Variants in TRNT1 observed in about 807,000 individuals in gnomAD.
TRNT1 encodes CCA tRNA nucleotidyltransferase 1, mitochondrial.
In TRNT1, 44 loss-of-function variants were observed where a neutral mutation model predicts 45.6. The ratio of observed to expected loss-of-function variants is 0.97; its 90% CI spans 0.76 to 1.24. The LOEUF is 1.24. TRNT1 is among the 50% of genes most tolerant of loss of function. The pLI is 0.00. For synonymous variants in TRNT1, 201 were observed against 171.4 expected (o/e 1.17, Z -1.35); for missense variants, 633 against 504.4 (o/e 1.25, Z -2.44).
chr3:3,147,643 T>C lies in TRNT1; in HGVS notation c.996T>C (p.Asp332=). The stretch of plus-strand genomic sequence containing the variant: ...TATTTATAGTTAAAAATAGGAAAGA[T>C]TTAATTAAAGCAACAGATAGTTCAG... The part of the protein sequence containing the change: ...LGLFIVKNRK[D]LIKATDSSDP... The change falls in exon 7 of 8, where the codon GAT becomes GAC. Residue 332 remains aspartate, a synonymous_variant. Transcript: ENST00000251607. 3 of 1,613,792 alleles carry C rather than the reference T, an allele frequency of 1.9e-6. No homozygotes were observed. Among genetic ancestry groups the C allele is most frequent in the Non-Finnish European group, 2.5e-6 (3 of 1,179,764 alleles).
In TRNT1 at chr3:3,134,469, TC is replaced by T. The variant is rs1253391512; in HGVS notation, c.149-2790del. 2.0e-5 allele frequency among the ~76,000 whole-genome samples: 3 copies of T among 152,332 alleles called. No individual in the cohort carries two copies. In the East Asian group the frequency reaches 5.8e-4, roughly 30 times the overall value. ...AATATATTACTTTGAGTTCTGGATC[TC>T]TTTGTAATGCAGTTAGCTTACTGAG... On this transcript the variant is annotated intron_variant, in intron 2 of 7. Coordinates refer to ENST00000251607, the MANE Select transcript of TRNT1 (RefSeq NM_182916.3).
chr3:3,141,519 A>G (rs901951010), intron 4 of TRNT1, among the ~76,000 whole-genome samples: 12 of 152,208 alleles, frequency 7.9e-5, no homozygotes, highest in African/African-American at 4.8e-5. Flanking sequence ...ATCATCAATA[A>G]TCAGAGTTGG....
At chr3:3,151,043 T>C, downstream of TRNT1, 1 of 1,613,794 alleles carries the variant, frequency 6.2e-7, no homozygotes, top group Non-Finnish European at 8.5e-7. Flanking sequence ...AGTCCAGGCA[T>C]ACCTAAGAAA....
chr3:3,138,575 T>C (rs1705463543), intron 3 of TRNT1, among the ~76,000 whole-genome samples: 1 of 152,144 alleles, frequency 6.6e-6, no homozygotes, highest in Non-Finnish European at 1.5e-5. Flanking sequence ...TGGAAACTCT[T>C]ATTATTTGGA....
chr3:3,130,915 C>T (rs140985916), intron 2 of TRNT1, among the ~76,000 whole-genome samples: 2 of 151,674 alleles, frequency 1.3e-5, no homozygotes, highest in African/African-American at 2.4e-5. Flanking sequence ...AACCCCATCT[C>T]TACTAAAAAT....
Position 3,140,561 on chromosome 3 carries a change from G to A in TRNT1, c.394G>A (p.Asp132Asn). Residue 132 changes from aspartate (D) to asparagine (N), a missense_variant, in exon 4 of 8, where the codon GAT becomes AAT. Asp to Asn is a conservative substitution (Grantham distance 23). Coordinates refer to ENST00000251607, the MANE Select transcript of TRNT1 (RefSeq NM_182916.3). The part of the protein sequence containing the change: ...ITTLRIDVTT[D>N]GRHAEVEFTT... ...TACACTACGGATTGATGTCACCACT[G>A]ATGGAAGACATGCTGAGGTAGAATT... 6.2e-7 allele frequency: 1 copy of A among 1,614,144 alleles called. No homozygotes were observed. The highest frequency in any genetic ancestry group is 8.5e-7 in the Non-Finnish European group (1 of 1,179,986).
At chr3:3,129,536 A>G (rs546543712) in intron 2 of TRNT1, 7 of 414,396 alleles carry the variant, frequency 1.7e-5, no homozygotes, top group African/African-American at 8.0e-5. Context: ...GCAGTGAGCT[A>G]TGATCATGCC....
At chr3:3,138,838 TG>T (rs911409707) in intron 3 of TRNT1, among the ~76,000 whole-genome samples, 3 of 152,234 alleles carry the variant, frequency 2.0e-5, no homozygotes, top group Non-Finnish European at 2.9e-5. Context: ...ACAGTGTCTT[TG>T]TTTCCTCCGA....
In TRNT1 at chr3:3,128,997, G is replaced by A. The variant is rs767682549; in HGVS notation, c.-27-17G>A. ...CACTTTTAATTTCATTGGTATGCCT[G>A]TGTATTTGCCTTGTAGATGTGTAGT... On this transcript the variant is annotated splice_polypyrimidine_tract_variant and intron_variant, in intron 1 of 7. Coordinates refer to ENST00000251607, the MANE Select transcript of TRNT1 (RefSeq NM_182916.3). 6 of 1,536,060 alleles carry A rather than the reference G, an allele frequency of 3.9e-6. No homozygotes were observed. Among genetic ancestry groups the A allele is most frequent in the Non-Finnish European group, 5.3e-6 (6 of 1,133,618 alleles).
intron 2 of TRNT1, among the ~76,000 whole-genome samples, chr3:3,134,232 G>GT (rs1420593719): frequency 6.6e-6 from 1 of 152,164 alleles, no homozygotes; most frequent in African/African-American, 2.4e-5. Flanking sequence ...GAAGATATCA[G>GT]TAACAGGAAT....
downstream of TRNT1, chr3:3,150,931 A>G: frequency 1.9e-6 from 3 of 1,614,030 alleles, no homozygotes; most frequent in Non-Finnish European, 2.5e-6. Flanking sequence ...TGGGCAACAG[A>G]GCAGATCGCG....
At chr3:3,128,668 A>G (rs548633210) in intron 1 of TRNT1, among the ~76,000 whole-genome samples, 1 of 150,370 alleles carries the variant, frequency 6.7e-6, no homozygotes, top group Admixed American at 6.6e-5. Flanking sequence ...GGAAAGGCCT[A>G]GGCAAAACTC....
At chr3:3,127,152 C>T (rs1442652761) in intron 1 of TRNT1, 162 bp downstream of exon 1, 1 of 152,322 alleles carries the variant, frequency 6.6e-6, no homozygotes, top group African/African-American at 2.4e-5. Context: ...ATAGCCCCGA[C>T]GCGGAGGTCG....
At chr3:3,142,713 A>AT (rs941598439) in intron 4 of TRNT1, among the ~76,000 whole-genome samples, 2 of 151,942 alleles carry the variant, frequency 1.3e-5, no homozygotes, top group Non-Finnish European at 1.5e-5. Flanking sequence ...TATTCCTATG[A>AT]TTTTTTCCTC....
intron 4 of TRNT1, among the ~76,000 whole-genome samples, chr3:3,143,836 T>A (rs1705812103): frequency 6.6e-6 from 1 of 152,164 alleles, no homozygotes; most frequent in Non-Finnish European, 1.5e-5. Flanking sequence ...CCAACCAGGG[T>A]GACAAAGTGA....
chr3:3,151,833 A>AAACAAACG (rs1706577290), downstream of TRNT1, among the ~76,000 whole-genome samples: 3 of 151,894 alleles, frequency 2.0e-5, no homozygotes, highest in South Asian at 2.1e-4. Flanking sequence ...TGAAGCAAAC[A>AAACAAACG]AACAAAAGGC....
Position 3,140,558 on chromosome 3 carries a change from A to G in TRNT1, c.391A>G (p.Thr131Ala), listed in dbSNP as rs762475113. The G allele has an allele frequency of 4.3e-6, 7 of 1,614,038 alleles. No homozygotes were observed. In the Admixed American group the frequency reaches 1.2e-4, roughly 27 times the overall value. ...TACTACACTACGGATTGATGTCACC[A>G]CTGATGGAAGACATGCTGAGGTAGA... ...EITTLRIDVT[T>A]DGRHAEVEFT... is the part of the protein sequence containing the mutation. The change falls in exon 4 of 8, where the codon ACT becomes GCT. Residue 131 changes from threonine to alanine, a missense_variant. Physicochemically the swap from Thr to Ala is moderately conservative, Grantham distance 58 (BLOSUM62 0). Transcript: ENST00000251607.
intron 1 of TRNT1, chr3:3,128,074 C>G (rs1440444814): frequency 6.6e-6 from 1 of 152,186 alleles, no homozygotes; most frequent in Admixed American, 6.5e-5. Context: ...AAGTGATTAA[C>G]TTCTTACCCA....
chr3:3,144,568 C>T lies in TRNT1; in HGVS notation c.482-16C>T, dbSNP rs200787934. 1 of 1,568,092 alleles carries T rather than the reference C, an allele frequency of 6.4e-7. No homozygotes were observed. The highest frequency in any genetic ancestry group is 8.7e-7 in the Non-Finnish European group (1 of 1,155,136). Reference sequence around the variant, plus strand: ...TTGCCAATAGTGATTTTTCTCCCTCCTTTTCTAATGAATAGGTTTTGATGG... The same window carrying T: ...TTGCCAATAGTGATTTTTCTCCCTCTTTTTCTAATGAATAGGTTTTGATGG... On this transcript the variant is annotated splice_polypyrimidine_tract_variant and intron_variant, in intron 4 of 7. Coordinates refer to ENST00000251607, the MANE Select transcript of TRNT1 (RefSeq NM_182916.3).
Sources: allele counts gnomAD v4.1 joint callset (sites outside exome capture counted in the v4.1 genomes callset), GRCh38; gene constraint gnomAD v4.1.1; transcripts MANE v1.5; gene names NCBI Gene and HGNC (gene_info 2026-07-23, HGNC 2026-07-21).